Variants in LDB2 observed in about 807,000 individuals in gnomAD.
The protein encoded by LDB2 is LIM domain-binding protein 2.
Under a neutral mutation model 44.3 loss-of-function variants are expected in LDB2, and 12 were observed. The observed-to-expected ratio is 0.27, with a 90% CI of 0.17 to 0.44. LDB2 has a LOEUF of 0.44. Ranked by LOEUF, LDB2 falls within the 20% of genes least tolerant of loss-of-function variation. The pLI is 1.00. For missense variants in LDB2, 344 were observed against 473.5 expected (o/e 0.73, Z 2.54); for synonymous variants, 164 against 174.8 (o/e 0.94, Z 0.49).
chr4:16,783,178 C>T (rs978214557), intron 1 of LDB2, among the ~76,000 whole-genome samples: 3 of 152,186 alleles, frequency 2.0e-5, no homozygotes, highest in Non-Finnish European at 2.9e-5. Flanking sequence ...GAAGCAGGGG[C>T]CTAGGGGTAT....
intron 2 of LDB2, among the ~76,000 whole-genome samples, chr4:16,633,799 A>G (rs1362838425): frequency 6.6e-6 from 1 of 152,224 alleles, no homozygotes; most frequent in Admixed American, 6.5e-5. Flanking sequence ...GAGTCCACAT[A>G]GCCAAGACAA....
chr4:16,898,207 T>A (rs903893791), intron 1 of LDB2, 147 bp downstream of exon 1: 11 of 717,182 alleles, frequency 1.5e-5, no homozygotes, highest in Non-Finnish European at 2.5e-5. Flanking sequence ...GCGTCCAAAC[T>A]CGTGGATTCA....
chr4:16,506,866 T>C (rs918444821), intron 7 of LDB2: 15 of 152,220 alleles, frequency 9.9e-5, no homozygotes, highest in African/African-American at 2.9e-4. Flanking sequence ...TGCCTTTAAG[T>C]AGCTATATCA....
intron 2 of LDB2, among the ~76,000 whole-genome samples, chr4:16,706,011 C>A (rs961323819): frequency 2.6e-5 from 4 of 151,836 alleles, no homozygotes; most frequent in African/African-American, 9.7e-5. Flanking sequence ...GGATAATAGC[C>A]CAGAGGCTAG....
intron 5 of LDB2, among the ~76,000 whole-genome samples, chr4:16,522,419 T>C (rs900617103): frequency 2.4e-5 from 3 of 124,928 alleles, no homozygotes; most frequent in South Asian, 5.6e-4. Flanking sequence ...GTACAGACTT[T>C]TTTTCTTGTC....
intron 5 of LDB2, among the ~76,000 whole-genome samples, chr4:16,584,878 G>A (rs1209157128): frequency 1.3e-5 from 2 of 152,206 alleles, no homozygotes; most frequent in Non-Finnish European, 2.9e-5. Flanking sequence ...ATGTAACTAA[G>A]AATCTGTCCA....
At chr4:16,520,710 T>C (rs1305281891) in intron 5 of LDB2, among the ~76,000 whole-genome samples, 1 of 152,168 alleles carries the variant, frequency 6.6e-6, no homozygotes, top group Non-Finnish European at 1.5e-5. Flanking sequence ...TGATCTTTCC[T>C]GATTTCACTT....
chr4:16,798,035 GAAA>G (rs371276215), intron 1 of LDB2, among the ~76,000 whole-genome samples: 6 of 71,958 alleles, frequency 8.3e-5, no homozygotes, highest in Admixed American at 1.8e-4. Context: ...ACTCTGTCTC[GAAA>G]AAAAAAAAAA....
intron 2 of LDB2, among the ~76,000 whole-genome samples, chr4:16,729,260 G>A (rs1213709942): frequency 6.6e-6 from 1 of 152,076 alleles, no homozygotes; most frequent in African/African-American, 2.4e-5. Flanking sequence ...TGTGAATGAC[G>A]CTTGTCATTT....
chr4:16,878,513 T>G (rs565776772), intron 1 of LDB2, among the ~76,000 whole-genome samples: 11 of 152,322 alleles, frequency 7.2e-5, no homozygotes, highest in African/African-American at 2.6e-4. Flanking sequence ...TTTGAAGCCA[T>G]TCTCTACTGA....
chr4:16,596,398 G>A (rs1578098881), intron 2 of LDB2, among the ~76,000 whole-genome samples: 1 of 152,026 alleles, frequency 6.6e-6, no homozygotes. Flanking sequence ...CCAAGAGAGT[G>A]CAGGACTGAG....
intron 5 of LDB2, among the ~76,000 whole-genome samples, chr4:16,576,419 C>T (rs956230349): frequency 6.6e-6 from 1 of 151,600 alleles, no homozygotes; most frequent in Non-Finnish European, 1.5e-5. Flanking sequence ...ACTAATACTA[C>T]AGAAATTTAA....
intron 1 of LDB2, among the ~76,000 whole-genome samples, chr4:16,788,313 A>G (rs541448175): frequency 6.6e-6 from 1 of 152,280 alleles, no homozygotes; most frequent in East Asian, 1.9e-4. Context: ...CTCAAGAGGG[A>G]CTTTGGGGGT....
intron 2 of LDB2, among the ~76,000 whole-genome samples, chr4:16,632,536 G>C (rs1057145769): frequency 6.6e-6 from 1 of 152,118 alleles, no homozygotes; most frequent in Non-Finnish European, 1.5e-5. Context: ...CGAGGATGTC[G>C]TCTCTCACCA....
At chr4:16,727,249 G>A (rs1394844871) in intron 2 of LDB2, among the ~76,000 whole-genome samples, 1 of 152,162 alleles carries the variant, frequency 6.6e-6, no homozygotes, top group African/African-American at 2.4e-5. Context: ...AGTGTTCTTA[G>A]GTTTTTCTCC....
intron 1 of LDB2, among the ~76,000 whole-genome samples, chr4:16,764,355 G>A (rs1027786346): frequency 6.6e-6 from 1 of 152,148 alleles, no homozygotes; most frequent in African/African-American, 2.4e-5. Flanking sequence ...AGGCAATTTT[G>A]TAGAAGTAAT....
chr4:16,764,816 C>A (rs1400460100), intron 1 of LDB2, among the ~76,000 whole-genome samples: 2 of 152,162 alleles, frequency 1.3e-5, no homozygotes, highest in African/African-American at 4.8e-5. Flanking sequence ...CCAAGTTCAG[C>A]AAGACGGCCA....
intron 2 of LDB2, among the ~76,000 whole-genome samples, chr4:16,667,583 G>A (rs1036332302): frequency 3.3e-5 from 5 of 152,184 alleles, no homozygotes; most frequent in African/African-American, 9.7e-5. Context: ...ATTAGGCAGA[G>A]CTCCAAACTC....
intron 1 of LDB2, among the ~76,000 whole-genome samples, chr4:16,846,373 GA>G (rs1787008536): frequency 6.6e-6 from 1 of 152,168 alleles, no homozygotes; most frequent in South Asian, 2.1e-4. Context: ...TTTAAAAATA[GA>G]AAGCAAAGTA....
Sources: allele counts gnomAD v4.1 joint callset (sites outside exome capture counted in the v4.1 genomes callset), GRCh38; gene constraint gnomAD v4.1.1; transcripts MANE v1.5; gene names NCBI Gene and HGNC (gene_info 2026-07-23, HGNC 2026-07-21).